Variants in CSMD1 observed in about 807,000 individuals in gnomAD.
CSMD1 encodes CUB and Sushi multiple domains 1.
In CSMD1, 213 loss-of-function variants were observed where a neutral mutation model predicts 417.5. The observed-to-expected ratio is 0.51, with a 90% CI of 0.46 to 0.57. The LOEUF (loss-of-function observed/expected upper bound fraction) is 0.57, where lower values mean the gene tolerates loss of function less well. Among genes scored for constraint, CSMD1 ranks in the 20% least tolerant of loss-of-function variants. The pLI, the probability that CSMD1 is intolerant of heterozygous loss-of-function variation, is 0.00. For missense variants in CSMD1, 6,923 were observed against 4,529.7 expected, an observed-to-expected ratio of 1.53 and a Z score of -15.17; for synonymous variants, 2,862 against 1,736.8, an observed-to-expected ratio of 1.65 and a Z score of -16.11.
intron 5 of CSMD1, among the ~76,000 whole-genome samples, chr8:3,925,982 T>C (rs113015488): frequency 1.3e-5 from 2 of 148,630 alleles, no homozygotes; most frequent in Admixed American, 6.7e-5. Flanking sequence ...GTCACCCAAT[T>C]TACCCTATGA....
chr8:4,502,122 T>G (rs1242610932), intron 2 of CSMD1, among the ~76,000 whole-genome samples: 1 of 152,194 alleles, frequency 6.6e-6, no homozygotes, highest in African/African-American at 2.4e-5. Flanking sequence ...TCTAAATTTC[T>G]AATTATGGGT....
intron 23 of CSMD1, among the ~76,000 whole-genome samples, chr8:3,316,956 C>G (rs78094590): frequency 1.3e-5 from 2 of 152,050 alleles, no homozygotes; most frequent in African/African-American, 4.8e-5. Context: ...TGGAAAGGAG[C>G]CTGTGTCAGT....
intron 2 of CSMD1, among the ~76,000 whole-genome samples, chr8:4,424,726 C>T (rs1356329636): frequency 6.6e-6 from 1 of 151,988 alleles, no homozygotes; most frequent in African/African-American, 2.4e-5. Context: ...TCTGCATTTG[C>T]CCTAGAAATG....
At chr8:3,687,791 T>A (rs6985877) in intron 7 of CSMD1, among the ~76,000 whole-genome samples, 22 of 151,978 alleles carry the variant, frequency 1.4e-4, no homozygotes, top group African/African-American at 5.1e-4. Flanking sequence ...ACACTTGATC[T>A]TTGCTCCACT....
chr8:4,220,385 G>A (rs937147653), intron 3 of CSMD1, among the ~76,000 whole-genome samples: 2 of 152,202 alleles, frequency 1.3e-5, no homozygotes, highest in Non-Finnish European at 2.9e-5. Flanking sequence ...GACCCACAGA[G>A]GCCTCTAGAC....
At chr8:3,356,764 TG>T in intron 21 of CSMD1, among the ~76,000 whole-genome samples, 1 of 152,316 alleles carries the variant, frequency 6.6e-6, no homozygotes, top group South Asian at 2.1e-4. Context: ...TGGTGCTCTG[TG>T]GGCCTGAGAG....
Position 4,797,644 on chromosome 8 carries a change from G to C in CSMD1, c.86-160086C>G, listed in dbSNP as rs574693092. Among the ~76,000 whole-genome samples the C allele has an allele frequency of 1.4e-4, 21 of 152,268 alleles. No individual in the cohort carries two copies. In the South Asian group the frequency reaches 1.5e-3, roughly 11 times the overall value. On this transcript the variant is annotated intron_variant, in intron 1 of 69. Coordinates refer to ENST00000635120, the MANE Select transcript of CSMD1 (RefSeq NM_033225.6). ...TGAAACAGTATAAAGCGAAGATATA[G>C]AAATCATGATAAAATTATCTGAAGC...
intron 3 of CSMD1, among the ~76,000 whole-genome samples, chr8:4,354,715 C>G (rs1428124565): frequency 1.3e-5 from 2 of 151,996 alleles, no homozygotes; most frequent in East Asian, 1.9e-4. Context: ...TTTTGAAACA[C>G]TTGTATTTAT....
rs979144067 is a variant in CSMD1 at position 2,968,711 on chromosome 8, A to G, written c.8924-1965T>C. ...TGTAAAATTATAAGACAGGACTAAGACTAAAACAAAACAATAGATTAAATT... is the reference window on the plus strand; with the variant it reads ...TGTAAAATTATAAGACAGGACTAAGGCTAAAACAAAACAATAGATTAAATT... On this transcript the variant is annotated intron_variant, in intron 57 of 69. Coordinates refer to ENST00000635120, the MANE Select transcript of CSMD1 (RefSeq NM_033225.6). Among the ~76,000 whole-genome samples, 4 of 152,324 alleles carry G rather than the reference A, an allele frequency of 2.6e-5. No homozygotes were observed. In the East Asian group the frequency reaches 7.7e-4, roughly 29 times the overall value.
In CSMD1 at chr8:3,784,040, G is replaced by A. The variant is rs193274328; in HGVS notation, c.819-29998C>T. ...TTATCATCGTACAACATGCCTGACA[G>A]CACTGTTGTGAAGATTGAAATAGTA... On this transcript the variant is annotated intron_variant, in intron 5 of 69. Transcript: ENST00000635120. Among the ~76,000 whole-genome samples the A allele has an allele frequency of 2.6e-5, 4 of 152,320 alleles. No homozygotes were observed. The East Asian group carries it at 7.7e-4, about 29-fold the overall frequency.
At chr8:3,457,043 C>A (rs1251017733) in intron 12 of CSMD1, among the ~76,000 whole-genome samples, 1 of 151,816 alleles carries the variant, frequency 6.6e-6, no homozygotes, top group African/African-American at 2.4e-5. Flanking sequence ...CACCTGTACC[C>A]CTCATTCTGT....
At chr8:4,675,287 G>C (rs1459155116) in intron 1 of CSMD1, among the ~76,000 whole-genome samples, 1 of 152,186 alleles carries the variant, frequency 6.6e-6, no homozygotes, top group African/African-American at 2.4e-5. Context: ...AAGGGGCATT[G>C]TTGGAGCCTA....
chr8:4,876,965 G>C (rs1803082662), intron 1 of CSMD1, among the ~76,000 whole-genome samples: 1 of 151,916 alleles, frequency 6.6e-6, no homozygotes, highest in Admixed American at 6.6e-5. Flanking sequence ...GTAATTTTAT[G>C]ACAATTAAAA....
intron 10 of CSMD1, among the ~76,000 whole-genome samples, chr8:3,527,306 A>T (rs913547641): frequency 6.6e-6 from 1 of 152,190 alleles, no homozygotes. Context: ...CATCATATTC[A>T]TTTCTTATTT....
intron 10 of CSMD1, among the ~76,000 whole-genome samples, chr8:3,529,903 G>C (rs1376757345): frequency 6.6e-6 from 1 of 152,106 alleles, no homozygotes; most frequent in East Asian, 1.9e-4. Context: ...ATGGAAAGCC[G>C]AGGCCTTTCT....
intron 8 of CSMD1, among the ~76,000 whole-genome samples, chr8:3,591,174 T>C (rs1380709781): frequency 6.6e-6 from 1 of 152,186 alleles, no homozygotes; most frequent in Non-Finnish European, 1.5e-5. Flanking sequence ...TCAAGATACA[T>C]GGTACATTGA....
chr8:3,170,496 C>A (rs897444672), intron 37 of CSMD1, among the ~76,000 whole-genome samples: 14 of 152,320 alleles, frequency 9.2e-5, no homozygotes, highest in African/African-American at 3.1e-4. Context: ...GCGTGAGCCA[C>A]CGTGCCCGGC....
At position 4,321,434 on chromosome 8, in the gene CSMD1, T is replaced by C. The variant is rs563754430; in HGVS notation, c.415+98519A>G. 3.2e-4 allele frequency among the ~76,000 whole-genome samples: 48 copies of C among 152,280 alleles called. No homozygotes were observed. In the South Asian group the frequency reaches 9.5e-3, roughly 30 times the overall value. On this transcript the variant is annotated intron_variant, in intron 3 of 69. Transcript: ENST00000635120. Reference sequence around the variant, plus strand: ...CCTGCTGCTCCCACTTATTGACTTGTGACCTTGGGAATCTTACCTTATCAC... The same window carrying C: ...CCTGCTGCTCCCACTTATTGACTTGCGACCTTGGGAATCTTACCTTATCAC...
intron 37 of CSMD1, among the ~76,000 whole-genome samples, chr8:3,177,653 T>TA (rs138420814): frequency 6.6e-5 from 10 of 151,862 alleles, no homozygotes; most frequent in African/African-American, 1.7e-4. Flanking sequence ...GAAGAAATAA[T>TA]AAAAAAACAG....
Sources: allele counts gnomAD v4.1 joint callset (sites outside exome capture counted in the v4.1 genomes callset), GRCh38; gene constraint gnomAD v4.1.1; transcripts MANE v1.5; gene names NCBI Gene and HGNC (gene_info 2026-07-23, HGNC 2026-07-21).